Variants in PDE4D observed in about 807,000 individuals in gnomAD.
PDE4D encodes the protein 3',5'-cyclic-AMP phosphodiesterase 4D.
A neutral mutation model predicts 87.4 loss-of-function variants in PDE4D; 24 were observed. The observed-to-expected ratio is 0.27, with a 90% CI of 0.20 to 0.39. PDE4D has a LOEUF of 0.39. Among genes scored for constraint, PDE4D ranks in the 10% least tolerant of loss-of-function variants. The probability of loss-of-function intolerance (pLI) is 1.00; values close to 1 mark genes in which losing one functional copy is unlikely to be tolerated. For synonymous variants in PDE4D, 384 were observed against 383.2 expected, an observed-to-expected ratio of 1.00 and a Z score of -0.02; for missense variants, 714 against 1,041.0, an observed-to-expected ratio of 0.69 and a Z score of 4.32.
At chr5:59,654,884 G>A (rs1744106963) in intron 1 of PDE4D, among the ~76,000 whole-genome samples, 1 of 152,108 alleles carries the variant, frequency 6.6e-6, no homozygotes, top group African/African-American at 2.4e-5. Flanking sequence ...GTAATAGCAT[G>A]CATTGATACT....
At chr5:59,220,946 T>C (rs1752419578) in intron 1 of PDE4D, among the ~76,000 whole-genome samples, 1 of 152,074 alleles carries the variant, frequency 6.6e-6, no homozygotes, top group African/African-American at 2.4e-5. Context: ...AGTTTAATGA[T>C]GATGGTGGCA....
intron 1 of PDE4D, among the ~76,000 whole-genome samples, chr5:59,817,593 A>G (rs1769119341): frequency 6.6e-6 from 1 of 152,184 alleles, no homozygotes. Flanking sequence ...CAATGTCACT[A>G]TATCTGAAGA....
At chr5:59,655,614 T>C (rs181696022) in intron 1 of PDE4D, among the ~76,000 whole-genome samples, 274 of 152,274 alleles carry the variant, frequency 1.8e-3, no homozygotes, top group Non-Finnish European at 3.1e-3. Context: ...GTTTGTTCTG[T>C]TTTGTTTTAT....
At chr5:60,127,535 C>T (rs997662349) in intron 2 of PDE4D, 8 of 452,832 alleles carry the variant, frequency 1.8e-5, no homozygotes, top group Middle Eastern at 2.9e-4. Context: ...ATAGATGCAG[C>T]GCATAACTGG....
At chr5:59,890,675 C>T (rs1316093706) in intron 1 of PDE4D, among the ~76,000 whole-genome samples, 1 of 152,168 alleles carries the variant, frequency 6.6e-6, no homozygotes, top group Non-Finnish European at 1.5e-5. Context: ...GTGGGCTCAC[C>T]ACCTTTGATG....
intron 1 of PDE4D, among the ~76,000 whole-genome samples, chr5:60,196,375 A>G (rs1416299823): frequency 1.3e-5 from 2 of 151,842 alleles, no homozygotes; most frequent in Non-Finnish European, 3.0e-5. Context: ...TATTGCATAA[A>G]TGTAGGGTCT....
chr5:60,356,171 T>A (rs771863804), intron 1 of PDE4D, among the ~76,000 whole-genome samples: 14 of 152,132 alleles, frequency 9.2e-5, no homozygotes, highest in Non-Finnish European at 1.9e-4. Flanking sequence ...GATCTAGAGC[T>A]GCCCTTTTAT....
chr5:59,361,221 A>C (rs901901091), intron 1 of PDE4D, among the ~76,000 whole-genome samples: 4 of 152,156 alleles, frequency 2.6e-5, no homozygotes, highest in Non-Finnish European at 5.9e-5. Flanking sequence ...AAAGAAAATA[A>C]ATTTTATGTT....
At chr5:59,246,574 C>A (rs1459154798) in intron 1 of PDE4D, among the ~76,000 whole-genome samples, 1 of 152,066 alleles carries the variant, frequency 6.6e-6, no homozygotes, top group Admixed American at 6.6e-5. Context: ...AACATATCAC[C>A]AGATGGGGAC....
chr5:59,276,127 A>AG (rs1197431588), intron 1 of PDE4D: 1 of 935,986 alleles, frequency 1.1e-6, no homozygotes, highest in African/African-American at 1.8e-5. Flanking sequence ...GAAAGGAAAA[A>AG]AAAAAAAAAA....
chr5:59,347,734 C>T (rs971187927), intron 1 of PDE4D, among the ~76,000 whole-genome samples: 11 of 152,066 alleles, frequency 7.2e-5, no homozygotes, highest in African/African-American at 2.4e-4. Flanking sequence ...GTTTTACTTT[C>T]CCTCACTGTA....
chr5:60,031,785 G>A (rs1348225026), intron 2 of PDE4D, among the ~76,000 whole-genome samples: 5 of 152,000 alleles, frequency 3.3e-5, no homozygotes, highest in African/African-American at 1.2e-4. Context: ...GGGAGGGAGA[G>A]AGAAAGAAAT....
chr5:60,504,444 G>T (rs1220378072), intron 1 of PDE4D, among the ~76,000 whole-genome samples: 1 of 151,982 alleles, frequency 6.6e-6, no homozygotes, highest in African/African-American at 2.4e-5. Context: ...AGGTGGTATA[G>T]TACAAGCAGC....
At chr5:59,486,948 A>G (rs1028222322) in intron 1 of PDE4D, among the ~76,000 whole-genome samples, 6 of 152,220 alleles carry the variant, frequency 3.9e-5, no homozygotes, top group Non-Finnish European at 7.3e-5. Context: ...TAACTTTAAG[A>G]ATACAATTTT....
At chr5:59,689,460 A>T (rs1315609330) in intron 1 of PDE4D, among the ~76,000 whole-genome samples, 2 of 152,202 alleles carry the variant, frequency 1.3e-5, no homozygotes, top group Non-Finnish European at 1.5e-5. Context: ...ACAGAACCAA[A>T]GACAAAAGCC....
chr5:59,469,181 A>C (rs1802038597), intron 1 of PDE4D, among the ~76,000 whole-genome samples: 1 of 152,106 alleles, frequency 6.6e-6, no homozygotes, highest in South Asian at 2.1e-4. Context: ...CAAAAAAATT[A>C]GCAGGGCGTG....
intron 1 of PDE4D, among the ~76,000 whole-genome samples, chr5:59,799,890 C>T (rs899258104): frequency 2.0e-5 from 3 of 152,190 alleles, no homozygotes; most frequent in Non-Finnish European, 2.9e-5. Flanking sequence ...CAGCACAGGT[C>T]TTTAAGTCTA....
Position 59,377,417 on chromosome 5 carries a change from C to CA in PDE4D, c.456-161450dup, listed in dbSNP as rs375685104. The stretch of plus-strand genomic sequence containing the variant: ...GGGTGACAGAGTGAGACACCCATCT[C>CA]AAAAAAAAAAAAAAAATATGTCATG... On this transcript the variant is annotated intron_variant, in intron 1 of 14. Coordinates refer to ENST00000340635, the MANE Select transcript of PDE4D (RefSeq NM_001104631.2). Among the ~76,000 whole-genome samples the CA allele has an allele frequency of 8.1e-3, 793 of 97,492 alleles. 10 individuals are homozygous for CA. Among genetic ancestry groups the CA allele is most frequent in the South Asian group, 0.025 (81 of 3,256 alleles). The allele number at this position is 97,492 out of a possible 152,430, so 64.0% of individuals were successfully genotyped here.
intron 5 of PDE4D, among the ~76,000 whole-genome samples, chr5:59,078,335 A>G (rs1197971064): frequency 6.6e-6 from 1 of 152,198 alleles, no homozygotes; most frequent in East Asian, 1.9e-4. Flanking sequence ...ACAGAATAAC[A>G]TCTGTAGTAT....
Sources: allele counts gnomAD v4.1 joint callset (sites outside exome capture counted in the v4.1 genomes callset), GRCh38; gene constraint gnomAD v4.1.1; transcripts MANE v1.5; gene names NCBI Gene and HGNC (gene_info 2026-07-23, HGNC 2026-07-21).